The following OTUD6B variants were observed in gnomAD, a reference collection of about 807,000 sequenced individuals.
OTUD6B encodes deubiquitinase OTUD6B.
OTUD6B carries 41 observed loss-of-function variants against 36.9 expected under a neutral mutation model. The observed-to-expected ratio is 1.11, with a 90% CI of 0.87 to 1.44. OTUD6B has a LOEUF of 1.44. Among genes scored for constraint, OTUD6B ranks in the 40% most tolerant of loss-of-function variants. OTUD6B has a pLI of 0.00. For synonymous variants in OTUD6B, 114 were observed against 114.2 expected (o/e 1.00, Z 0.01); for missense variants, 356 against 344.8 (o/e 1.03, Z -0.26).
intron 1 of OTUD6B, 139 bp from the exon 2 acceptor site, chr8:91,070,999 C>T: frequency 7.2e-7 from 1 of 1,392,230 alleles, no homozygotes; most frequent in South Asian, 1.6e-5. Flanking sequence ...CTCTCTGTAG[C>T]TGCCTGTTAC....
At chr8:91,076,206 A>G (rs767021594) in intron 3 of OTUD6B, among the ~76,000 whole-genome samples, 5 of 152,230 alleles carry the variant, frequency 3.3e-5, no homozygotes, top group Non-Finnish European at 7.4e-5. Flanking sequence ...TTATATTACT[A>G]TATCAACATG....
chr8:91,075,801 A>G (rs1029481485), intron 3 of OTUD6B, among the ~76,000 whole-genome samples: 1 of 152,138 alleles, frequency 6.6e-6, no homozygotes, highest in Non-Finnish European at 1.5e-5. Context: ...CCTTTTTGCT[A>G]GAAGCACCAA....
Position 91,085,321 on chromosome 8 carries a change from C to T in OTUD6B, c.*453C>T, listed in dbSNP as rs1209794625. The T allele has an allele frequency of 6.6e-6, 1 of 152,062 alleles. No individual in the cohort carries two copies. The highest frequency in any genetic ancestry group is 1.5e-5 in the Non-Finnish European group (1 of 68,030). 9.4% of individuals were successfully genotyped at this position (152,062 alleles called of 1,614,324 possible). A position where few individuals can be genotyped will look rare whatever the true frequency, so the allele number is the denominator to read the frequency against. On this transcript the variant is annotated 3_prime_UTR_variant, in exon 7 of 7. Coordinates refer to ENST00000404789, the MANE Select transcript of OTUD6B (RefSeq NM_016023.5). ...ATGGTGATGGTCAATTTAATTATTGCTTATAAAATGAACTTGATTGCAGTA... is the reference window on the plus strand; with the variant it reads ...ATGGTGATGGTCAATTTAATTATTGTTTATAAAATGAACTTGATTGCAGTA...
intron 3 of OTUD6B, among the ~76,000 whole-genome samples, chr8:91,075,129 CAATGTCTTTTT>C (rs1187020706): frequency 6.6e-6 from 1 of 151,948 alleles, no homozygotes; most frequent in East Asian, 1.9e-4. Context: ...AACCTAAAAG[CAATGTCTTTTT>C]TTGTTTGCAA....
intron 6 of OTUD6B, 124 bp from the exon 7 acceptor site, chr8:91,084,660 G>A (rs1812972314): frequency 9.2e-7 from 1 of 1,091,916 alleles, no homozygotes; most frequent in South Asian, 3.4e-5. Flanking sequence ...ATAGTCTATT[G>A]AGTGAAACCC....
At position 91,073,820 on chromosome 8, in the gene OTUD6B, G is replaced by A. The variant is rs777980154; in HGVS notation, c.235-11G>A. On this transcript the variant is annotated splice_polypyrimidine_tract_variant and intron_variant, in intron 2 of 6. Transcript: ENST00000404789. ...GTACATTGACTTGTTAATGCTTTTT[G>A]TTTCCTTCAGATAGATTCTGTTGCT... The A allele has an allele frequency of 1.3e-6, 2 of 1,561,340 alleles. No homozygotes were observed. Among genetic ancestry groups the A allele is most frequent in the Admixed American group, 1.9e-5 (1 of 52,330 alleles).
chr8:91,076,220 G>A (rs1269068271), intron 3 of OTUD6B, among the ~76,000 whole-genome samples: 1 of 152,014 alleles, frequency 6.6e-6, no homozygotes, highest in Non-Finnish European at 1.5e-5. Flanking sequence ...CAACATGACT[G>A]TAGTTTTATT....
At chr8:91,082,590 G>C (rs1812926953) in intron 5 of OTUD6B, among the ~76,000 whole-genome samples, 1 of 151,504 alleles carries the variant, frequency 6.6e-6, no homozygotes, top group Non-Finnish European at 1.5e-5. Context: ...GAACGCCTGA[G>C]TTCAAGTGAC....
intron 5 of OTUD6B, among the ~76,000 whole-genome samples, chr8:91,082,465 C>T (rs1219755642): frequency 2.0e-5 from 3 of 151,978 alleles, no homozygotes; most frequent in Non-Finnish European, 2.9e-5. Flanking sequence ...ACTACAGTCT[C>T]AATCTTCTAG....
In OTUD6B at chr8:91,078,441, A is replaced by C; in HGVS notation, c.401A>C (p.Glu134Ala). Reference sequence around the variant, plus strand: ...AACTTAACAGGAGCCAGACATATGGAAAGTGAGAAACTTGCTCAAATATTG... The same window carrying C: ...AACTTAACAGGAGCCAGACATATGGCAAGTGAGAAACTTGCTCAAATATTG... ...IENLTGARHM[E>A]SEKLAQILAA... Residue 134 changes from glutamate to alanine, a missense_variant, in exon 4 of 7, where the codon GAA becomes GCA. By Grantham distance (107) the Glu-to-Ala change is moderately radical (BLOSUM62 -1). Transcript: ENST00000404789. 1 of 1,601,870 alleles carries C rather than the reference A, an allele frequency of 6.2e-7. No individual in the cohort carries two copies. Among genetic ancestry groups the C allele is most frequent in the Non-Finnish European group, 8.5e-7 (1 of 1,173,396 alleles).
chr8:91,077,443 G>C (rs922492199), intron 3 of OTUD6B, among the ~76,000 whole-genome samples: 1 of 151,922 alleles, frequency 6.6e-6, no homozygotes, highest in Non-Finnish European at 1.5e-5. Context: ...GTAGCTCTAG[G>C]AACTGTTTTT....
Position 91,084,945 on chromosome 8 carries a change from A to G in OTUD6B, c.*77A>G. 1 of 641,086 alleles carries G rather than the reference A, an allele frequency of 1.6e-6. No homozygotes were observed. The highest frequency in any genetic ancestry group is 2.5e-6 in the Non-Finnish European group (1 of 403,196). 39.7% of individuals were successfully genotyped at this position (641,086 alleles called of 1,614,324 possible). On this transcript the variant is annotated 3_prime_UTR_variant, in exon 7 of 7. Coordinates refer to ENST00000404789, the MANE Select transcript of OTUD6B (RefSeq NM_016023.5). ...TTTCTACCAAGTGTTGGGTTGTTCT[A>G]AATGCTACTGAAAAACACAACTACC... is the stretch of plus-strand genomic sequence containing the variant.
In OTUD6B at chr8:91,086,871, G is replaced by T. The variant is rs1051341709; in HGVS notation, c.*2003G>T. On this transcript the variant is annotated 3_prime_UTR_variant, in exon 7 of 7. Coordinates refer to ENST00000404789, the MANE Select transcript of OTUD6B (RefSeq NM_016023.5). ...ATGCTAATTTACTTTTTCATATGAT[G>T]ATGGTCTAATGGAAGTTACATATGC... 7 of 152,004 alleles carry T rather than the reference G, an allele frequency of 4.6e-5. No homozygotes were observed. Among genetic ancestry groups the T allele is most frequent in the African/African-American group, 1.4e-4 (6 of 41,434 alleles). 9.4% of individuals were successfully genotyped at this position (152,004 alleles called of 1,614,324 possible).
At position 91,073,909 on chromosome 8, in the gene OTUD6B, CG is replaced by C. The variant is rs748349491; in HGVS notation, c.315+1del. ...TCGGATATCAAAAGCACAAAAGAGA[CG>C]GGTATGAAAGTCATGTCACCAAGTA... ...PPRISKAQKR[R>X]EKKAALEKER... On this transcript the variant is annotated frameshift_variant and splice_region_variant, in exon 3 of 7. Coordinates refer to ENST00000404789, the MANE Select transcript of OTUD6B (RefSeq NM_016023.5). LOFTEE classifies it high-confidence loss of function. 7.6e-6 allele frequency: 12 copies of C among 1,583,786 alleles called. No homozygotes were observed. The highest frequency in any genetic ancestry group is 1.0e-5 in the Non-Finnish European group (12 of 1,162,486).
At chr8:91,083,170 T>A (rs1812941384) in intron 5 of OTUD6B, among the ~76,000 whole-genome samples, 1 of 152,180 alleles carries the variant, frequency 6.6e-6, no homozygotes, top group Non-Finnish European at 1.5e-5. Flanking sequence ...ACAATTCATA[T>A]ACATATTCTA....
intron 3 of OTUD6B, chr8:91,076,619 T>C: frequency 6.5e-7 from 1 of 1,532,696 alleles, no homozygotes. Context: ...GCTCTCTGTG[T>C]TGTCCTTGGT....
intron 5 of OTUD6B, among the ~76,000 whole-genome samples, chr8:91,081,652 GA>G (rs1812910635): frequency 6.8e-6 from 1 of 147,320 alleles, no homozygotes; most frequent in Non-Finnish European, 1.5e-5. Flanking sequence ...TGAAGTGCCA[GA>G]TGGATGAACC....
chr8:91,081,734 C>CT (rs1812911743), intron 5 of OTUD6B, among the ~76,000 whole-genome samples: 2 of 152,244 alleles, frequency 1.3e-5, no homozygotes, highest in South Asian at 4.1e-4. Flanking sequence ...AAATAATTCA[C>CT]TTTAAGAACT....
chr8:91,074,004 GAA>G (rs538080070), intron 3 of OTUD6B, 93 bp downstream of exon 3: 1 of 778,720 alleles, frequency 1.3e-6, no homozygotes, highest in Non-Finnish European at 2.0e-6. Flanking sequence ...GGAAGAGAAT[GAA>G]AAAAAAATGA....
Sources: allele counts gnomAD v4.1 joint callset (sites outside exome capture counted in the v4.1 genomes callset), GRCh38; gene constraint gnomAD v4.1.1; transcripts MANE v1.5; gene names NCBI Gene and HGNC (gene_info 2026-07-23, HGNC 2026-07-21).